CCDC178: variants seen among roughly 807,000 people sequenced by gnomAD.
CCDC178 encodes the protein coiled-coil domain containing 178.
CCDC178 carries 126 observed loss-of-function variants against 117.4 expected under a neutral mutation model. The observed-to-expected ratio is 1.07, with a 90% CI of 0.93 to 1.24. CCDC178 has a LOEUF of 1.24. CCDC178 is among the 50% of genes most tolerant of loss of function. CCDC178 has a pLI of 0.00. For synonymous variants in CCDC178, 283 were observed against 313.4 expected, an observed-to-expected ratio of 0.90 and a Z score of 1.02; for missense variants, 1,030 against 986.9, an observed-to-expected ratio of 1.04 and a Z score of -0.59.
At chr18:33,438,920 G>T (rs1465384762) in intron 2 of CCDC178, among the ~76,000 whole-genome samples, 1 of 152,058 alleles carries the variant, frequency 6.6e-6, no homozygotes, top group African/African-American at 2.4e-5. Flanking sequence ...GACAAATATG[G>T]ATTTTCCCCC....
chr18:33,066,188 T>G (rs1158441046), intron 21 of CCDC178, among the ~76,000 whole-genome samples: 2 of 152,002 alleles, frequency 1.3e-5, no homozygotes, highest in Non-Finnish European at 2.9e-5. Flanking sequence ...GAAAGAGAAA[T>G]AAAATCTTTC....
chr18:33,086,687 T>TTA (rs2057383692), intron 21 of CCDC178, among the ~76,000 whole-genome samples: 2 of 152,190 alleles, frequency 1.3e-5, no homozygotes, highest in Non-Finnish European at 2.9e-5. Context: ...GTGTGTCATG[T>TTA]TATATATATG....
At chr18:33,199,597 G>T (rs1017322064) in intron 20 of CCDC178, among the ~76,000 whole-genome samples, 2 of 152,124 alleles carry the variant, frequency 1.3e-5, no homozygotes, top group Non-Finnish European at 2.9e-5. Flanking sequence ...TGCCACCTCT[G>T]AAGTTTCAAA....
chr18:33,309,102 T>G (rs536740899), intron 11 of CCDC178, among the ~76,000 whole-genome samples: 47 of 152,176 alleles, frequency 3.1e-4, no homozygotes, highest in African/African-American at 1.1e-3. Context: ...TATATTTATA[T>G]CTGCTTGATA....
At position 33,323,512 on chromosome 18, in the gene CCDC178, T is replaced by C. The variant is rs2062543532; in HGVS notation, c.1001A>G (p.Glu334Gly). ...TTACTTGTAGGCCTCTATGGTTTTT[T>C]CATCCTGGTAAATATCCTTATCAAT... is the stretch of plus-strand genomic sequence containing the variant. ...EEIDKDIYQD[E>G]KTIEAYKREI... The change falls in exon 11 of 23, where the codon GAA becomes GGA. Residue 334 changes from glutamate to glycine, a missense_variant. Glu to Gly is a moderately conservative substitution (Grantham distance 98). Coordinates refer to ENST00000383096, the MANE Select transcript of CCDC178 (RefSeq NM_001105528.4). 2.0e-6 allele frequency: 3 copies of C among 1,526,080 alleles called. No homozygotes were observed. In the South Asian group the frequency reaches 4.1e-5, roughly 21 times the overall value. The allele number at this position is 1,526,080 out of a possible 1,614,324, so 94.5% of individuals were successfully genotyped here.
chr18:33,188,983 C>T (rs1047291876), intron 20 of CCDC178, among the ~76,000 whole-genome samples: 2 of 152,090 alleles, frequency 1.3e-5, no homozygotes, highest in Non-Finnish European at 2.9e-5. Flanking sequence ...ATTTTGGAAT[C>T]CTGATGACAG....
At chr18:33,430,587 C>A (rs563174532) in intron 2 of CCDC178, among the ~76,000 whole-genome samples, 1 of 152,166 alleles carries the variant, frequency 6.6e-6, no homozygotes, top group Admixed American at 6.5e-5. Context: ...GATGGTAAAG[C>A]TACAGTGAAA....
intron 14 of CCDC178, among the ~76,000 whole-genome samples, chr18:33,257,353 A>G (rs755657763): frequency 6.6e-6 from 1 of 152,104 alleles, no homozygotes; most frequent in African/African-American, 2.4e-5. Context: ...TCATGGGTAG[A>G]TTATTTTCTA....
At chr18:33,002,911 A>G (rs984409461) in intron 21 of CCDC178, among the ~76,000 whole-genome samples, 2 of 152,172 alleles carry the variant, frequency 1.3e-5, no homozygotes, top group African/African-American at 4.8e-5. Flanking sequence ...ATATGCCAAT[A>G]AATTGGAAAG....
rs114388485 is a variant in CCDC178, at chr18:33,175,166, G to A, written c.2238+36730C>T. On this transcript the variant is annotated intron_variant, in intron 20 of 22. Coordinates refer to ENST00000383096, the MANE Select transcript of CCDC178 (RefSeq NM_001105528.4). Reference sequence around the variant, plus strand: ...GCTAGGATTACAGGCGTAAGCCACCGCACCTGGCCTCTGTTTCGCATTATT... The same window carrying A: ...GCTAGGATTACAGGCGTAAGCCACCACACCTGGCCTCTGTTTCGCATTATT... Among the ~76,000 whole-genome samples the A allele has an allele frequency of 7.4e-3, 1,121 of 151,676 alleles. 16 individuals carry two copies. The highest frequency in any genetic ancestry group is 0.026 in the African/African-American group (1,055 of 41,308).
At chr18:33,102,938 AAGT>A (rs2057651981) in intron 20 of CCDC178, among the ~76,000 whole-genome samples, 1 of 151,808 alleles carries the variant, frequency 6.6e-6, no homozygotes, top group African/African-American at 2.4e-5. Flanking sequence ...TGGCAGAGTT[AAGT>A]AATTGCAATA....
At chr18:33,047,731 T>A (rs1288013308) in intron 21 of CCDC178, among the ~76,000 whole-genome samples, 1 of 152,196 alleles carries the variant, frequency 6.6e-6, no homozygotes, top group Non-Finnish European at 1.5e-5. Context: ...TAGCTGTCTC[T>A]AAGTCTCTAC....
At chr18:33,183,940 G>C (rs867441901) in intron 20 of CCDC178, among the ~76,000 whole-genome samples, 1 of 152,012 alleles carries the variant, frequency 6.6e-6, no homozygotes, top group South Asian at 2.1e-4. Flanking sequence ...TATTTTATTA[G>C]AGTGATTCAG....
At chr18:33,225,737 A>C (rs1205695699) in intron 16 of CCDC178, among the ~76,000 whole-genome samples, 1 of 152,194 alleles carries the variant, frequency 6.6e-6, no homozygotes, top group Non-Finnish European at 1.5e-5. Context: ...ATAAATGAGG[A>C]AGTTTAGTGT....
At chr18:33,233,178 T>C (rs1411306312) in intron 15 of CCDC178, among the ~76,000 whole-genome samples, 1 of 152,148 alleles carries the variant, frequency 6.6e-6, no homozygotes, top group Non-Finnish European at 1.5e-5. Flanking sequence ...GCTTTGTTCT[T>C]GGTTACTTTC....
rs767125528 is a variant in CCDC178 at position 33,186,085 on chromosome 18, G to A, written c.2238+25811C>T. On this transcript the variant is annotated intron_variant, in intron 20 of 22. Coordinates refer to ENST00000383096, the MANE Select transcript of CCDC178 (RefSeq NM_001105528.4). ...TATTATCTAATATATGTCAAGTATT[G>A]TAATATGTTCAAGTTAGATACATAT... Among the ~76,000 whole-genome samples the A allele has an allele frequency of 3.0e-4, 46 of 151,948 alleles. 1 individual carries two copies. The highest frequency in any genetic ancestry group is 3.1e-4 in the Non-Finnish European group (21 of 67,970).
intron 20 of CCDC178, among the ~76,000 whole-genome samples, chr18:33,191,356 A>T (rs1480010763): frequency 6.6e-6 from 1 of 152,108 alleles, no homozygotes; most frequent in Non-Finnish European, 1.5e-5. Context: ...TGTTTTAGAA[A>T]ATTTTGTCCT....
chr18:33,045,416 A>G (rs1037716206), intron 21 of CCDC178, among the ~76,000 whole-genome samples: 2 of 152,160 alleles, frequency 1.3e-5, no homozygotes, highest in African/African-American at 4.8e-5. Flanking sequence ...AGTGCTGAGC[A>G]TGTAGTGGGT....
intron 21 of CCDC178, among the ~76,000 whole-genome samples, chr18:33,035,806 A>C (rs1317953385): frequency 6.6e-6 from 1 of 152,022 alleles, no homozygotes; most frequent in African/African-American, 2.4e-5. Flanking sequence ...TATAATCTTT[A>C]TTTGTCAATT....
Sources: gnomAD v4.1 joint callset for allele counts (sites outside exome capture counted in the v4.1 genomes callset) on GRCh38, gnomAD v4.1.1 for gene constraint, MANE v1.5 for transcripts, NCBI Gene and HGNC (gene_info 2026-07-23, HGNC 2026-07-21) for gene names.